DMRT1: variants seen among roughly 807,000 people sequenced by gnomAD.
The protein encoded by DMRT1 is doublesex- and mab-3-related transcription factor 1.
In DMRT1, 7 loss-of-function variants were observed where a neutral mutation model predicts 32.3. That is an observed-to-expected ratio of 0.22 (90% CI 0.12 to 0.41). The LOEUF (loss-of-function observed/expected upper bound fraction) is 0.41. Ranked by LOEUF, DMRT1 falls within the 10% of genes least tolerant of loss-of-function variation. DMRT1 has a pLI of 1.00. For missense variants in DMRT1, 625 were observed against 500.5 expected, an observed-to-expected ratio of 1.25 and a Z score of -2.37; for synonymous variants, 278 against 206.1, an observed-to-expected ratio of 1.35 and a Z score of -2.99.
chr9:889,313 T>G (rs1243932889), intron 2 of DMRT1, among the ~76,000 whole-genome samples: 1 of 152,252 alleles, frequency 6.6e-6, no homozygotes, highest in African/African-American at 2.4e-5. Context: ...CAAATCTAAC[T>G]TTTTTAAAGT....
At chr9:885,923 T>C (rs1816910603) in intron 2 of DMRT1, among the ~76,000 whole-genome samples, 1 of 152,186 alleles carries the variant, frequency 6.6e-6, no homozygotes. Context: ...CTTTCTGTTA[T>C]TATTCATTAT....
intron 2 of DMRT1, among the ~76,000 whole-genome samples, chr9:859,892 A>T (rs769359138): frequency 7.9e-5 from 12 of 152,240 alleles, no homozygotes; most frequent in Non-Finnish European, 4.4e-5. Context: ...TGCTTCAGCC[A>T]TCCATTGCCA....
At chr9:892,566 G>A (rs1817193338) in intron 2 of DMRT1, among the ~76,000 whole-genome samples, 1 of 152,090 alleles carries the variant, frequency 6.6e-6, no homozygotes, top group Admixed American at 6.6e-5. Flanking sequence ...ACATTTGCAG[G>A]CCTTAGAGTT....
chr9:842,250 T>TTTTG, intron 1 of DMRT1, 58 bp downstream of exon 1: 1 of 1,503,790 alleles, frequency 6.6e-7, no homozygotes. Flanking sequence ...TTTTTTTTTT[T>TTTTG]TTTAGATGGA....
chr9:902,090 A>T (rs796963267), intron 3 of DMRT1, among the ~76,000 whole-genome samples: 335 of 150,630 alleles, frequency 2.2e-3, no homozygotes, highest in African/African-American at 7.3e-3. Context: ...TTGTATTTTT[A>T]GTCGAGATGG....
intron 4 of DMRT1, among the ~76,000 whole-genome samples, chr9:922,085 G>A (rs563543815): frequency 1.8e-4 from 28 of 151,596 alleles, no homozygotes; most frequent in African/African-American, 6.5e-4. Context: ...TTGCCATATT[G>A]CTCAGGCTGT....
chr9:873,048 A>G (rs1392014367), intron 2 of DMRT1, among the ~76,000 whole-genome samples: 1 of 152,226 alleles, frequency 6.6e-6, no homozygotes, highest in Non-Finnish European at 1.5e-5. Context: ...ATCCTTGAGC[A>G]GTTTGCTAGG....
intron 3 of DMRT1, among the ~76,000 whole-genome samples, chr9:899,854 T>C (rs1817504830): frequency 6.6e-6 from 1 of 152,248 alleles, no homozygotes; most frequent in Non-Finnish European, 1.5e-5. Flanking sequence ...CCCTCTTGAC[T>C]GCTTTTCCAA....
intron 3 of DMRT1, among the ~76,000 whole-genome samples, chr9:911,270 G>C (rs189221067): frequency 9.2e-5 from 14 of 152,202 alleles, no homozygotes; most frequent in Admixed American, 7.2e-4. Flanking sequence ...GATGTTGCCA[G>C]ATGCCCTGTG....
intron 4 of DMRT1, among the ~76,000 whole-genome samples, chr9:946,562 G>A (rs1385876013): frequency 6.6e-6 from 1 of 152,148 alleles, no homozygotes; most frequent in Non-Finnish European, 1.5e-5. Context: ...CTGCCTAACA[G>A]CCACCTCACA....
intron 4 of DMRT1, among the ~76,000 whole-genome samples, chr9:921,065 AATTCAGTGGC>A (rs1268862613): frequency 1.3e-5 from 2 of 152,138 alleles, no homozygotes; most frequent in African/African-American, 4.8e-5. Context: ...TAAAGTGTAC[AATTCAGTGGC>A]ATTTGGTACA....
chr9:896,856 A>T (rs2129643675), intron 3 of DMRT1, among the ~76,000 whole-genome samples: 1 of 152,134 alleles, frequency 6.6e-6, no homozygotes, highest in African/African-American at 2.4e-5. Flanking sequence ...CTTCAAGAAA[A>T]TGTGAATTGA....
intron 4 of DMRT1, among the ~76,000 whole-genome samples, chr9:931,197 A>AT (rs1383573033): frequency 5.9e-5 from 9 of 152,156 alleles, no homozygotes; most frequent in African/African-American, 2.2e-4. Flanking sequence ...TCAGAGCTTC[A>AT]TTTCTTTTTG....
intron 4 of DMRT1, among the ~76,000 whole-genome samples, chr9:958,812 T>C (rs755584137): frequency 2.0e-5 from 3 of 152,226 alleles, no homozygotes; most frequent in Non-Finnish European, 4.4e-5. Flanking sequence ...GTGGATTAGA[T>C]AGGAAACCAA....
intron 2 of DMRT1, among the ~76,000 whole-genome samples, chr9:853,458 TTTTG>T (rs1454390184): frequency 6.6e-6 from 1 of 151,756 alleles, no homozygotes; most frequent in Non-Finnish European, 1.5e-5. Context: ...TATTTTAAAT[TTTTG>T]TTTATTTAAT....
intron 3 of DMRT1, among the ~76,000 whole-genome samples, chr9:907,304 C>G (rs1817810392): frequency 6.6e-6 from 1 of 152,090 alleles, no homozygotes; most frequent in Non-Finnish European, 1.5e-5. Flanking sequence ...GCATTTATGC[C>G]TGGTATACAT....
intron 3 of DMRT1, among the ~76,000 whole-genome samples, chr9:915,703 G>T (rs1818153278): frequency 6.6e-6 from 1 of 151,818 alleles, no homozygotes; most frequent in South Asian, 2.1e-4. Context: ...TTTGCATGTT[G>T]TTTTACAGTA....
chr9:939,598 C>T (rs1416893873), intron 4 of DMRT1, among the ~76,000 whole-genome samples: 1 of 152,188 alleles, frequency 6.6e-6, no homozygotes, highest in Non-Finnish European at 1.5e-5. Flanking sequence ...TTAATGCACA[C>T]CTAAGCTACA....
chr9:864,093 C>G (rs1015557038), intron 2 of DMRT1, among the ~76,000 whole-genome samples: 1 of 152,136 alleles, frequency 6.6e-6, no homozygotes, highest in Non-Finnish European at 1.5e-5. Flanking sequence ...AGCAGAGAAG[C>G]CTGTAACTTT....
Sources: gnomAD v4.1 joint callset for allele counts (sites outside exome capture counted in the v4.1 genomes callset) on GRCh38, gnomAD v4.1.1 for gene constraint, MANE v1.5 for transcripts, NCBI Gene and HGNC (gene_info 2026-07-23, HGNC 2026-07-21) for gene names.